Variants in WDR70 observed in about 807,000 individuals in gnomAD.
WDR70 encodes WD repeat domain 70.
Under a neutral mutation model 88.6 loss-of-function variants are expected in WDR70, and 53 were observed. That is an observed-to-expected ratio of 0.60 (90% confidence interval 0.48 to 0.75). The LOEUF (loss-of-function observed/expected upper bound fraction) is 0.75, where lower values mean the gene tolerates loss of function less well. Among genes scored for constraint, WDR70 ranks in the 30% least tolerant of loss-of-function variants. The probability of loss-of-function intolerance (pLI) is 0.00; values close to 1 mark genes in which losing one functional copy is unlikely to be tolerated. For synonymous variants in WDR70, 280 were observed against 270.0 expected, an observed-to-expected ratio of 1.04 and a Z score of -0.36; for missense variants, 610 against 823.2, an observed-to-expected ratio of 0.74 and a Z score of 3.17.
chr5:37,466,294 G>T (rs1337325939), intron 7 of WDR70, among the ~76,000 whole-genome samples: 2 of 152,124 alleles, frequency 1.3e-5, no homozygotes, highest in African/African-American at 4.8e-5. Context: ...TATATTATGA[G>T]GCAGTAAGAG....
chr5:37,438,064 A>T, intron 6 of WDR70, 83 bp downstream of exon 6: 6 of 1,174,932 alleles, frequency 5.1e-6, no homozygotes, highest in Non-Finnish European at 7.2e-6. Context: ...CATTTGTATT[A>T]AGGCTAATTA....
chr5:37,628,539 C>T (rs1191078428), intron 10 of WDR70, among the ~76,000 whole-genome samples: 1 of 152,150 alleles, frequency 6.6e-6, no homozygotes, highest in Non-Finnish European at 1.5e-5. Flanking sequence ...TACTCCTGCT[C>T]ACTTGATTTT....
At chr5:37,544,810 T>C (rs886224347) in intron 9 of WDR70, among the ~76,000 whole-genome samples, 2 of 152,194 alleles carry the variant, frequency 1.3e-5, no homozygotes, top group African/African-American at 4.8e-5. Flanking sequence ...GCATCTGTTA[T>C]ATAGAGCAGA....
chr5:37,708,194 AT>A (rs2112672225), intron 13 of WDR70, among the ~76,000 whole-genome samples: 1 of 150,956 alleles, frequency 6.6e-6, no homozygotes, highest in East Asian at 1.9e-4. Flanking sequence ...CCTGTGAGAA[AT>A]GAAATGTATA....
chr5:37,623,545 A>G (rs1744575655), intron 10 of WDR70, among the ~76,000 whole-genome samples: 2 of 152,166 alleles, frequency 1.3e-5, no homozygotes, highest in South Asian at 4.1e-4. Flanking sequence ...TTTTATTCTA[A>G]AAGTTATCTG....
intron 9 of WDR70, among the ~76,000 whole-genome samples, chr5:37,572,333 A>G (rs1402179726): frequency 1.3e-5 from 2 of 151,890 alleles, no homozygotes; most frequent in Non-Finnish European, 2.9e-5. Context: ...TGCTGGATCT[A>G]TATGGTCTGT....
chr5:37,411,452 G>GTAATTA (rs1749521694), intron 5 of WDR70, among the ~76,000 whole-genome samples: 1 of 151,566 alleles, frequency 6.6e-6, no homozygotes, highest in Non-Finnish European at 1.5e-5. Flanking sequence ...TTGGCCAGAT[G>GTAATTA]CAGTGGCTCA....
Position 37,724,828 on chromosome 5 carries a change from G to C in WDR70, c.1598-106G>C, listed in dbSNP as rs1217380281. On this transcript the variant is annotated intron_variant, in intron 15 of 17. Coordinates refer to ENST00000265107, the MANE Select transcript of WDR70 (RefSeq NM_018034.4). ...TGTCTTTTATTATCAGATCAAGACT[G>C]TCATTATGACTTCCATTTCATCTTT... 4 of 1,026,556 alleles carry C rather than the reference G, an allele frequency of 3.9e-6. No individual in the cohort carries two copies. The Admixed American group carries it at 7.7e-5, about 20-fold the overall frequency. 63.6% of individuals were successfully genotyped at this position (1,026,556 alleles called of 1,614,324 possible).
chr5:37,448,051 C>T (rs1738557269), intron 7 of WDR70, among the ~76,000 whole-genome samples: 1 of 152,182 alleles, frequency 6.6e-6, no homozygotes, highest in South Asian at 2.1e-4. Flanking sequence ...CTTTAATTGC[C>T]CATTTTTAGC....
At chr5:37,612,855 AAC>A (rs1400091318) in intron 10 of WDR70, among the ~76,000 whole-genome samples, 3 of 152,222 alleles carry the variant, frequency 2.0e-5, no homozygotes. Context: ...ACAAATATTC[AAC>A]AGAACACGTG....
intron 10 of WDR70, 61 bp downstream of exon 10, chr5:37,605,299 C>A: frequency 6.7e-7 from 1 of 1,490,202 alleles, no homozygotes; most frequent in Non-Finnish European, 9.0e-7. Context: ...AGATGGCCAC[C>A]TTACAAAGAC....
Position 37,526,697 on chromosome 5 carries a change from C to G in WDR70, c.917+10107C>G, listed in dbSNP as rs987925130. On this transcript the variant is annotated intron_variant, in intron 9 of 17. Transcript: ENST00000265107. ...AGAAAAAGAGGAAGTCAAATTGGCC[C>G]TGTTTGCAGATGACATGATTGTGTA... 9.9e-5 allele frequency among the ~76,000 whole-genome samples: 15 copies of G among 152,274 alleles called. No individual in the cohort carries two copies. In the East Asian group the frequency reaches 2.1e-3, roughly 22 times the overall value.
intron 10 of WDR70, among the ~76,000 whole-genome samples, chr5:37,634,278 G>A (rs1349753356): frequency 2.9e-5 from 4 of 136,586 alleles, no homozygotes; most frequent in Admixed American, 8.3e-5. Context: ...CAGCCTGGGC[G>A]ACAGTGTGGG....
chr5:37,459,485 T>C (rs1738932893), intron 7 of WDR70, among the ~76,000 whole-genome samples: 1 of 126,002 alleles, frequency 7.9e-6, no homozygotes, highest in Non-Finnish European at 1.7e-5. Flanking sequence ...TGGCTAGCCA[T>C]ATGTAGAAAG....
chr5:37,430,746 T>G (rs1750277097), intron 5 of WDR70, among the ~76,000 whole-genome samples: 1 of 151,896 alleles, frequency 6.6e-6, no homozygotes, highest in Non-Finnish European at 1.5e-5. Flanking sequence ...TCTTTAGTAG[T>G]GACGGGGTTT....
intron 11 of WDR70, among the ~76,000 whole-genome samples, chr5:37,698,089 T>C (rs185024081): frequency 1.3e-5 from 2 of 152,320 alleles, no homozygotes; most frequent in Non-Finnish European, 2.9e-5. Flanking sequence ...TATACCATTT[T>C]ATAATTCTGT....
intron 17 of WDR70, among the ~76,000 whole-genome samples, chr5:37,749,392 T>C (rs1184777463): frequency 6.6e-6 from 1 of 151,568 alleles, no homozygotes; most frequent in Non-Finnish European, 1.5e-5. Flanking sequence ...TAAGTGGGAG[T>C]TGAACATTGA....
chr5:37,673,400 T>C (rs915389833), intron 10 of WDR70, among the ~76,000 whole-genome samples: 9 of 152,174 alleles, frequency 5.9e-5, no homozygotes, highest in African/African-American at 1.4e-4. Flanking sequence ...CCATGTCTAT[T>C]CCTTTGGGCA....
rs923755966 is a variant in WDR70 at position 37,622,456 on chromosome 5, A to G, written c.1092+17218A>G. 1.4e-3 allele frequency among the ~76,000 whole-genome samples: 219 copies of G among 152,124 alleles called. 1 individual carries two copies. Among genetic ancestry groups the G allele is most frequent in the African/African-American group, 4.9e-3 (204 of 41,498 alleles). On this transcript the variant is annotated intron_variant, in intron 10 of 17. Coordinates refer to ENST00000265107, the MANE Select transcript of WDR70 (RefSeq NM_018034.4). ...ACACATGCACACGTATGTTTATTGCAGCACTATTCACAATAGCAAAGACTT... is the reference window on the plus strand; with the variant it reads ...ACACATGCACACGTATGTTTATTGCGGCACTATTCACAATAGCAAAGACTT...
Sources: gnomAD v4.1 joint callset for allele counts (sites outside exome capture counted in the v4.1 genomes callset) on GRCh38, gnomAD v4.1.1 for gene constraint, MANE v1.5 for transcripts, NCBI Gene and HGNC (gene_info 2026-07-23, HGNC 2026-07-21) for gene names.